LYRM4: variants seen among roughly 807,000 people sequenced by gnomAD.
LYRM4 encodes LYR motif containing 4.
A neutral mutation model predicts 11.7 loss-of-function variants in LYRM4; 9 were observed. The ratio of observed to expected loss-of-function variants is 0.77; its 90% confidence interval spans 0.46 to 1.34. The LOEUF (loss-of-function observed/expected upper bound fraction) is 1.34, where lower values mean the gene tolerates loss of function less well. Among genes scored for constraint, LYRM4 ranks in the 40% most tolerant of loss-of-function variants. LYRM4 has a pLI of 0.00. For missense variants in LYRM4, 133 were observed against 112.5 expected (o/e 1.18, Z -0.82); for synonymous variants, 42 against 40.4 (o/e 1.04, Z -0.15).
At chr6:5,249,075 G>A (rs1764320867) in intron 1 of LYRM4, among the ~76,000 whole-genome samples, 1 of 152,210 alleles carries the variant, frequency 6.6e-6, no homozygotes, top group South Asian at 2.1e-4. Flanking sequence ...TTGGCAGCTG[G>A]ACTACCAGTG....
the LYRM4 span, among the ~76,000 whole-genome samples, chr6:5,069,630 G>A: frequency 6.6e-6 from 1 of 151,966 alleles, no homozygotes; most frequent in Admixed American, 6.6e-5. Context: ...ATAGGCATGC[G>A]CCACCACGCC....
intron 1 of LYRM4, among the ~76,000 whole-genome samples, chr6:5,248,165 C>A (rs1764275977): frequency 6.6e-6 from 1 of 152,198 alleles, no homozygotes; most frequent in Non-Finnish European, 1.5e-5. Context: ...CAATGATATT[C>A]TCATAACCTT....
chr6:5,215,163 C>T (rs1327926346), intron 2 of LYRM4, among the ~76,000 whole-genome samples: 5 of 151,920 alleles, frequency 3.3e-5, no homozygotes, highest in East Asian at 1.9e-4. Context: ...GCAGTTTATA[C>T]TCTGGATAAT....
downstream of LYRM4, among the ~76,000 whole-genome samples, chr6:5,101,914 G>A (rs570575966): frequency 3.1e-4 from 45 of 143,552 alleles, no homozygotes; most frequent in Admixed American, 7.3e-4. Context: ...TCAGCCTCCC[G>A]ATTAGTTGGG....
chr6:5,142,899 G>A (rs924793363), intron 2 of LYRM4, among the ~76,000 whole-genome samples: 1 of 152,200 alleles, frequency 6.6e-6, no homozygotes, highest in Non-Finnish European at 1.5e-5. Context: ...TGGACCCTTG[G>A]CCTGCTGGCC....
chr6:5,217,206 C>T (rs1211409118), intron 1 of LYRM4, among the ~76,000 whole-genome samples: 2 of 152,192 alleles, frequency 1.3e-5, no homozygotes, highest in Non-Finnish European at 2.9e-5. Context: ...TTTGCATGTA[C>T]CCAGATAGTG....
chr6:5,085,622 A>C, the LYRM4 span: 15 of 1,548,106 alleles, frequency 9.7e-6, no homozygotes, highest in Non-Finnish European at 1.2e-5. Flanking sequence ...GGCGCTTCGG[A>C]GACCCCGAGT....
chr6:5,117,150 A>G (rs1763155272), intron 2 of LYRM4, among the ~76,000 whole-genome samples: 1 of 152,230 alleles, frequency 6.6e-6, no homozygotes, highest in African/African-American at 2.4e-5. Context: ...CAAACATATG[A>G]AATGTCCTAA....
intron 1 of LYRM4, among the ~76,000 whole-genome samples, chr6:5,247,825 C>T (rs1004411577): frequency 4.6e-5 from 7 of 152,102 alleles, no homozygotes; most frequent in Non-Finnish European, 1.5e-5. Context: ...TGAGAGCAGA[C>T]ATAATCAACT....
chr6:5,112,862 G>A (rs538124795), intron 2 of LYRM4, among the ~76,000 whole-genome samples: 1 of 152,312 alleles, frequency 6.6e-6, no homozygotes, highest in East Asian at 1.9e-4. Context: ...GATTGGACGT[G>A]GAGACTGCCA....
the LYRM4 span, among the ~76,000 whole-genome samples, chr6:5,075,966 TC>T: frequency 6.6e-6 from 1 of 151,530 alleles, no homozygotes; most frequent in Non-Finnish European, 1.5e-5. Flanking sequence ...GAAACAGGGT[TC>T]TCAGAAAAAA....
At chr6:5,194,031 G>A (rs181037522) in intron 2 of LYRM4, among the ~76,000 whole-genome samples, 79 of 136,382 alleles carry the variant, frequency 5.8e-4, no homozygotes, top group Admixed American at 3.5e-3. Context: ...CTTGTATTAG[G>A]CAGGGTTCTC....
the LYRM4 span, among the ~76,000 whole-genome samples, chr6:5,045,926 T>C: frequency 1.1e-4 from 16 of 152,184 alleles, no homozygotes; most frequent in Non-Finnish European, 1.2e-4. Flanking sequence ...TTCTGGTGCC[T>C]GGATAACTAA....
chr6:5,056,849 T>C, the LYRM4 span, among the ~76,000 whole-genome samples: 17 of 152,316 alleles, frequency 1.1e-4, no homozygotes, highest in East Asian at 2.5e-3. Context: ...GTTTATCCAT[T>C]GTTCAAGTAA....
chr6:5,067,379 T>A, the LYRM4 span, among the ~76,000 whole-genome samples: 2 of 152,302 alleles, frequency 1.3e-5, no homozygotes, highest in East Asian at 1.9e-4. Flanking sequence ...GAGGTTGCAG[T>A]GAGTATGTCA....
intron 2 of LYRM4, among the ~76,000 whole-genome samples, chr6:5,139,193 CG>C (rs1757274421): frequency 6.6e-6 from 1 of 152,202 alleles, no homozygotes; most frequent in African/African-American, 2.4e-5. Context: ...AGCTGGTGAG[CG>C]GCAGGGCAAA....
At chr6:5,044,757 C>T in the LYRM4 span, among the ~76,000 whole-genome samples, 1 of 152,224 alleles carries the variant, frequency 6.6e-6, no homozygotes, top group Non-Finnish European at 1.5e-5. Context: ...GCTTGGCTCT[C>T]AGACCATCCT....
intron 2 of LYRM4, among the ~76,000 whole-genome samples, chr6:5,156,706 A>T (rs1277150188): frequency 6.6e-6 from 1 of 152,050 alleles, no homozygotes; most frequent in East Asian, 1.9e-4. Flanking sequence ...GATCTCCTAT[A>T]ATCTGTTTTG....
chr6:5,085,924 C>T, the LYRM4 span: 2 of 1,529,660 alleles, frequency 1.3e-6, no homozygotes, highest in Non-Finnish European at 1.7e-6. Context: ...CAGCGTGAAG[C>T]ACTTCAGCGA....
Sources: gnomAD v4.1 joint callset for allele counts (sites outside exome capture counted in the v4.1 genomes callset) on GRCh38, gnomAD v4.1.1 for gene constraint, MANE v1.5 for transcripts, NCBI Gene and HGNC (gene_info 2026-07-23, HGNC 2026-07-21) for gene names.